ZC3H12B: variants seen among roughly 807,000 people sequenced by gnomAD.
The protein encoded by ZC3H12B is probable ribonuclease ZC3H12B.
Under a neutral mutation model 43.9 loss-of-function variants are expected in ZC3H12B, and 7 were observed. The observed-to-expected ratio is 0.16, with a 90% CI of 0.09 to 0.30. The LOEUF (loss-of-function observed/expected upper bound fraction) is 0.30. ZC3H12B is among the 10% of genes least tolerant of loss of function. The pLI, the probability that ZC3H12B is intolerant of heterozygous loss-of-function variation, is 1.00. For synonymous variants in ZC3H12B, 222 were observed against 241.7 expected, an observed-to-expected ratio of 0.92 and a Z score of 0.76; for missense variants, 475 against 670.2, an observed-to-expected ratio of 0.71 and a Z score of 3.22.
chrX:65,291,634 G>A, the ZC3H12B span, among the ~76,000 whole-genome samples: 1 of 111,918 alleles, frequency 8.9e-6, no homozygotes, highest in Non-Finnish European at 1.9e-5. Flanking sequence ...TGGTTGCTAA[G>A]GAGTGGGTGC....
At chrX:65,226,502 T>A in the ZC3H12B span, among the ~76,000 whole-genome samples, 1 of 111,573 alleles carries the variant, frequency 9.0e-6, no homozygotes, top group East Asian at 2.8e-4. Flanking sequence ...GCTAACATCA[T>A]AATGACAGTA....
chrX:65,412,553 G>C (rs2066916010), intron 3 of ZC3H12B, among the ~76,000 whole-genome samples: 2 of 111,354 alleles, frequency 1.8e-5, no homozygotes, highest in African/African-American at 6.5e-5. Flanking sequence ...CTGCAACCTT[G>C]ACCTCCGGGG....
intron 3 of ZC3H12B, among the ~76,000 whole-genome samples, chrX:65,472,686 C>T (rs1175698076): frequency 3.8e-5 from 4 of 105,715 alleles, no homozygotes; most frequent in Non-Finnish European, 5.8e-5. Context: ...CTGTTTTTCC[C>T]CATTGTGCAT....
At chrX:65,360,467 C>T in the ZC3H12B span, among the ~76,000 whole-genome samples, 3 of 112,098 alleles carry the variant, frequency 2.7e-5, no homozygotes, top group African/African-American at 6.5e-5. Context: ...GTATCATTAG[C>T]TATTGGGGGA....
At chrX:65,348,098 G>C in the ZC3H12B span, among the ~76,000 whole-genome samples, 1 of 110,946 alleles carries the variant, frequency 9.0e-6, no homozygotes, top group Non-Finnish European at 1.9e-5. Flanking sequence ...TGGGGGGAGT[G>C]GGGGGATAGC....
intron 2 of ZC3H12B, among the ~76,000 whole-genome samples, chrX:65,375,017 G>A (rs1262292433): frequency 9.0e-6 from 1 of 111,509 alleles, no homozygotes; most frequent in African/African-American, 3.3e-5. Flanking sequence ...ACCATATCAG[G>A]CACTGAAGTG....
the ZC3H12B span, among the ~76,000 whole-genome samples, chrX:65,061,231 G>T: frequency 9.0e-6 from 1 of 110,922 alleles, no homozygotes; most frequent in Admixed American, 9.6e-5. Flanking sequence ...CATGTGCCAT[G>T]GTGCTTTGCT....
chrX:65,366,762 G>A (rs912921472), exon 1 of ZC3H12B: 2 of 112,130 alleles, frequency 1.8e-5, no homozygotes, highest in African/African-American at 3.2e-5. Flanking sequence ...TACACAGGAA[G>A]GTAGGTGAGT....
Position 65,408,528 on chromosome X carries a change from G to T in ZC3H12B, n.407+9824G>T, listed in dbSNP as rs945779296. The T allele has an allele frequency of 4.2e-6, 5 of 1,204,359 alleles. No homozygotes were observed. In the African/African-American group the frequency reaches 8.7e-5, roughly 21 times the overall value. On this transcript the variant is annotated intron_variant and non_coding_transcript_variant, in intron 3 of 5. Transcript: ENST00000617377. ...GTTCCCCTTACGCCTCACCCTTCGG[G>T]ACTTCAGCCTCCTGGAATCCCGCCC...
the ZC3H12B span, among the ~76,000 whole-genome samples, chrX:65,161,977 C>T: frequency 9.0e-6 from 1 of 111,606 alleles, no homozygotes; most frequent in Non-Finnish European, 1.9e-5. Flanking sequence ...GACAAAATCT[C>T]TCAGCATTTA....
chrX:65,173,571 C>T, the ZC3H12B span, among the ~76,000 whole-genome samples: 1 of 111,481 alleles, frequency 9.0e-6, no homozygotes. Flanking sequence ...TCATAAACAG[C>T]TCTTATTATT....
chrX:65,329,393 GTTGT>G, the ZC3H12B span, among the ~76,000 whole-genome samples: 2 of 109,385 alleles, frequency 1.8e-5, no homozygotes, highest in Non-Finnish European at 3.8e-5. Flanking sequence ...TTTTGATGGG[GTTGT>G]TTGTTTTTTT....
chrX:65,182,622 A>T, the ZC3H12B span, among the ~76,000 whole-genome samples: 1 of 110,164 alleles, frequency 9.1e-6, no homozygotes, highest in African/African-American at 3.3e-5. Context: ...AGCTATCAAT[A>T]GATAGACAAC....
chrX:65,260,178 A>T, the ZC3H12B span, among the ~76,000 whole-genome samples: 1 of 110,960 alleles, frequency 9.0e-6, no homozygotes, highest in African/African-American at 3.3e-5. Context: ...TAGAGAACTT[A>T]TTAATATAAT....
chrX:65,420,938 G>A (rs771336097), intron 3 of ZC3H12B, among the ~76,000 whole-genome samples: 1 of 112,168 alleles, frequency 8.9e-6, no homozygotes, highest in Non-Finnish European at 1.9e-5. Flanking sequence ...CTCCATTCTT[G>A]TCAATGAAGT....
chrX:65,230,906 GGT>G, the ZC3H12B span, among the ~76,000 whole-genome samples: 1 of 111,751 alleles, frequency 8.9e-6, no homozygotes, highest in Admixed American at 9.5e-5. Context: ...CTGTAATTTT[GGT>G]GTGTCAACCA....
At chrX:65,094,021 G>A in the ZC3H12B span, among the ~76,000 whole-genome samples, 3 of 110,729 alleles carry the variant, frequency 2.7e-5, no homozygotes, top group South Asian at 1.2e-3. Flanking sequence ...GGAGTGGATT[G>A]TTAGCACCAT....
the ZC3H12B span, among the ~76,000 whole-genome samples, chrX:65,117,494 T>C: frequency 3.6e-5 from 4 of 112,077 alleles, no homozygotes; most frequent in African/African-American, 1.3e-4. Flanking sequence ...GTAAAAATTT[T>C]CTCCCATTCT....
the ZC3H12B span, among the ~76,000 whole-genome samples, chrX:65,176,933 G>T: frequency 7.1e-5 from 8 of 111,919 alleles, no homozygotes; most frequent in Non-Finnish European, 1.3e-4. Flanking sequence ...ATTGTATGAG[G>T]CCAGTGTCAT....
Sources: gnomAD v4.1 joint callset for allele counts (sites outside exome capture counted in the v4.1 genomes callset) on GRCh38, gnomAD v4.1.1 for gene constraint, MANE v1.5 for transcripts, NCBI Gene and HGNC (gene_info 2026-07-23, HGNC 2026-07-21) for gene names.